Variants in LIMS1 observed in about 807,000 individuals in gnomAD.
LIMS1 encodes the protein LIM and senescent cell antigen-like-containing domain protein 1.
In LIMS1, 18 loss-of-function variants were observed where a neutral mutation model predicts 44.1. The ratio of observed to expected loss-of-function variants is 0.41; its 90% CI spans 0.28 to 0.61. The LOEUF (loss-of-function observed/expected upper bound fraction) is 0.61, where lower values mean the gene tolerates loss of function less well. LIMS1 is among the 20% of genes least tolerant of loss of function. The probability of loss-of-function intolerance (pLI) is 0.32; values close to 1 mark genes in which losing one functional copy is unlikely to be tolerated. For missense variants in LIMS1, 201 were observed against 422.0 expected, an observed-to-expected ratio of 0.48 and a Z score of 4.59; for synonymous variants, 93 against 149.1, an observed-to-expected ratio of 0.62 and a Z score of 2.74.
intron 1 of LIMS1, among the ~76,000 whole-genome samples, chr2:108,622,007 T>A (rs1688276971): frequency 6.6e-6 from 1 of 152,204 alleles, no homozygotes; most frequent in Admixed American, 6.5e-5. Context: ...GCTTTCAAAG[T>A]GAATTTCCCT....
Position 108,621,075 on chromosome 2 carries a change from G to T in LIMS1, c.33-38530G>T, listed in dbSNP as rs1688206850. Among the ~76,000 whole-genome samples the T allele has an allele frequency of 2.0e-5, 3 of 152,116 alleles. No individual in the cohort carries two copies. The South Asian group carries it at 6.2e-4, about 32-fold the overall frequency. On this transcript the variant is annotated intron_variant, in intron 1 of 9. Coordinates refer to ENST00000544547, the Ensembl canonical transcript of LIMS1. ...TGATTATTCATAACAATTAAATTTTGCTTATTAATAAACAAGTAAGTAACC... is the reference window on the plus strand; with the variant it reads ...TGATTATTCATAACAATTAAATTTTTCTTATTAATAAACAAGTAAGTAACC...
At chr2:108,561,746 G>GTTTTTTTTTTTTTT (rs200154866) in intron 1 of LIMS1, among the ~76,000 whole-genome samples, 1 of 134,128 alleles carries the variant, frequency 7.5e-6, no homozygotes, top group Non-Finnish European at 1.6e-5. Flanking sequence ...GTTTTTTTTT[G>GTTTTTTTTTTTTTT]TTTTTTTTTT....
intron 1 of LIMS1, among the ~76,000 whole-genome samples, chr2:108,619,324 G>A (rs1688104065): frequency 6.6e-6 from 1 of 151,556 alleles, no homozygotes; most frequent in African/African-American, 2.4e-5. Flanking sequence ...TGTTGATGGT[G>A]GGGGAAAACA....
At chr2:108,649,128 A>G (rs551488324) in intron 1 of LIMS1, among the ~76,000 whole-genome samples, 13 of 152,302 alleles carry the variant, frequency 8.5e-5, no homozygotes, top group African/African-American at 3.1e-4. Flanking sequence ...AACTAAAACA[A>G]ATTTACAAGA....
At chr2:108,611,646 G>A (rs988505859) in intron 1 of LIMS1, among the ~76,000 whole-genome samples, 14 of 151,876 alleles carry the variant, frequency 9.2e-5, no homozygotes, top group African/African-American at 3.4e-4. Flanking sequence ...GTGGGAGGCC[G>A]GGGCGTGGGG....
chr2:108,550,543 C>A (rs781621236), intron 1 of LIMS1, among the ~76,000 whole-genome samples: 2 of 151,378 alleles, frequency 1.3e-5, no homozygotes, highest in East Asian at 3.9e-4. Flanking sequence ...AGCCCAGGCA[C>A]GGTGGCTCAC....
intron 1 of LIMS1, among the ~76,000 whole-genome samples, chr2:108,626,161 T>C (rs952070277): frequency 2.0e-5 from 3 of 152,250 alleles, no homozygotes; most frequent in African/African-American, 7.2e-5. Context: ...CATACCTCTT[T>C]TGCAGTTTGC....
At chr2:108,626,745 G>A (rs574909330) in intron 1 of LIMS1, among the ~76,000 whole-genome samples, 3 of 152,270 alleles carry the variant, frequency 2.0e-5, no homozygotes, top group South Asian at 4.2e-4. Flanking sequence ...TTTTATTTAT[G>A]TACAGTATCA....
At chr2:108,563,291 A>G (rs964862467) in intron 1 of LIMS1, among the ~76,000 whole-genome samples, 2 of 152,242 alleles carry the variant, frequency 1.3e-5, no homozygotes, top group African/African-American at 2.4e-5. Flanking sequence ...TGCATAGGCT[A>G]TATAGCTGCT....
chr2:108,683,365 C>A (rs771297387), intron 9 of LIMS1, among the ~76,000 whole-genome samples: 8 of 151,834 alleles, frequency 5.3e-5, no homozygotes, highest in Non-Finnish European at 1.0e-4. Flanking sequence ...TACGACAGGA[C>A]CCTGTCTCTA....
At position 108,555,530 on chromosome 2, in the gene LIMS1, T is replaced by A. The variant is rs1684897148; in HGVS notation, c.32+20936T>A. Among the ~76,000 whole-genome samples the A allele has an allele frequency of 2.6e-5, 4 of 152,332 alleles. No homozygotes were observed. The South Asian group carries it at 8.3e-4, about 32-fold the overall frequency. ...TTTCCTGCAGCTGGAAGCATCCTAG[T>A]CTGCTTTGGTAATGAGCACTCTGAG... On this transcript the variant is annotated intron_variant, in intron 1 of 9. Transcript: ENST00000544547.
intron 1 of LIMS1, among the ~76,000 whole-genome samples, chr2:108,629,485 T>C (rs1223595534): frequency 6.6e-6 from 1 of 152,228 alleles, no homozygotes; most frequent in African/African-American, 2.4e-5. Flanking sequence ...TTAGAGCTTC[T>C]GATTCTCACA....
chr2:108,618,501 CCTCT>C (rs145532061), intron 1 of LIMS1, among the ~76,000 whole-genome samples: 16 of 149,510 alleles, frequency 1.1e-4, no homozygotes, highest in East Asian at 5.9e-4. Flanking sequence ...GGAAAGCAGT[CCTCT>C]CTCTCTCTCT....
At chr2:108,678,051 A>G (rs756407995) in intron 8 of LIMS1, 24 bp downstream of exon 8, 2 of 1,608,672 alleles carry the variant, frequency 1.2e-6, no homozygotes, top group African/African-American at 2.7e-5. Context: ...TGAGTTTTAG[A>G]TTGGTGCCAC....
chr2:108,616,215 T>C (rs912179481), intron 1 of LIMS1, among the ~76,000 whole-genome samples: 5 of 145,942 alleles, frequency 3.4e-5, no homozygotes, highest in Non-Finnish European at 3.0e-5. Context: ...TTTTTTTTTT[T>C]TTTTTTGGAT....
rs546013269 is a variant in LIMS1 at position 108,680,054 on chromosome 2, G to T, written c.824-641G>T. Among the ~76,000 whole-genome samples the T allele has an allele frequency of 4.6e-5, 7 of 151,976 alleles. No individual in the cohort carries two copies. The South Asian group carries it at 6.2e-4, about 14-fold the overall frequency. On this transcript the variant is annotated intron_variant, in intron 8 of 9. Transcript: ENST00000544547. ...GTCCTGGGAAACATGGCAAGACCGT[G>T]TCTCTATAAAAAATACAAAAATTAG...
chr2:108,585,184 C>T (rs796717023), intron 1 of LIMS1, among the ~76,000 whole-genome samples: 13 of 145,846 alleles, frequency 8.9e-5, no homozygotes, highest in African/African-American at 3.3e-4. Flanking sequence ...CGGGGCCAGG[C>T]GATATAGGGT....
At chr2:108,588,753 C>T (rs1255321205) in intron 1 of LIMS1, 2 of 301,948 alleles carry the variant, frequency 6.6e-6, no homozygotes, top group African/African-American at 4.5e-5. Context: ...GTTGTAGTAA[C>T]CTTCAGCCAT....
chr2:108,639,335 C>A (rs1189186779), intron 1 of LIMS1, among the ~76,000 whole-genome samples: 1 of 152,164 alleles, frequency 6.6e-6, no homozygotes, highest in East Asian at 1.9e-4. Context: ...AATCGTATGT[C>A]CTTTGTATGT....
Sources: gnomAD v4.1 joint callset for allele counts (sites outside exome capture counted in the v4.1 genomes callset) on GRCh38, gnomAD v4.1.1 for gene constraint, MANE v1.5 for transcripts, NCBI Gene and HGNC (gene_info 2026-07-23, HGNC 2026-07-21) for gene names.